NTRK2: variants seen among roughly 807,000 people sequenced by gnomAD.
NTRK2 encodes the protein BDNF/NT-3 growth factors receptor.
In NTRK2, 13 loss-of-function variants were observed where a neutral mutation model predicts 94.5. The observed-to-expected ratio is 0.14, with a 90% confidence interval of 0.09 to 0.22. NTRK2 has a LOEUF of 0.22. NTRK2 is among the 10% of genes least tolerant of loss of function. The pLI is 1.00. For synonymous variants in NTRK2, 372 were observed against 407.4 expected (o/e 0.91, Z 1.05); for missense variants, 639 against 1,071.2 (o/e 0.60, Z 5.63).
intron 9 of NTRK2, among the ~76,000 whole-genome samples, chr9:84,738,826 G>A (rs1475946469): frequency 6.6e-6 from 1 of 152,108 alleles, no homozygotes; most frequent in Non-Finnish European, 1.5e-5. Context: ...GTCTTTCTGC[G>A]AGTTTCATAA....
At chr9:84,714,280 C>G (rs1452063347) in intron 6 of NTRK2, among the ~76,000 whole-genome samples, 1 of 152,166 alleles carries the variant, frequency 6.6e-6, no homozygotes, top group Non-Finnish European at 1.5e-5. Flanking sequence ...GCAGGGAGTC[C>G]TGCAATCCTG....
rs182960908 is a variant in NTRK2 at position 85,022,263 on chromosome 9, A to G, written c.*826A>G. 3.0e-5 allele frequency: 7 copies of G among 233,100 alleles called. No individual in the cohort carries two copies. Among genetic ancestry groups the G allele is most frequent in the African/African-American group, 4.4e-5 (2 of 45,354 alleles). 14.4% of individuals were successfully genotyped at this position (233,100 alleles called of 1,614,324 possible). ...TAAAAAGACTACTGGCCTCTGTGCC[A>G]TGGATGATTCTTTTCCCATCACCAG... On this transcript the variant is annotated 3_prime_UTR_variant, in exon 19 of 19. Coordinates refer to ENST00000277120, the MANE Select transcript of NTRK2 (RefSeq NM_006180.6).
At chr9:84,845,578 C>T (rs980081570) in intron 12 of NTRK2, among the ~76,000 whole-genome samples, 2 of 152,088 alleles carry the variant, frequency 1.3e-5, no homozygotes, top group Non-Finnish European at 2.9e-5. Context: ...CCATGGAATA[C>T]TACTCAGCCA....
At chr9:84,833,594 A>C (rs2131699485) in intron 12 of NTRK2, among the ~76,000 whole-genome samples, 1 of 147,714 alleles carries the variant, frequency 6.8e-6, no homozygotes, top group Non-Finnish European at 1.5e-5. Context: ...GGAAAGAAAG[A>C]GAAAAAGAAA....
At chr9:84,873,446 C>A in intron 14 of NTRK2, 1 of 1,059,556 alleles carries the variant, frequency 9.4e-7, no homozygotes, top group African/African-American at 1.6e-5. Flanking sequence ...GCCTTCATGG[C>A]ACATTGCTGC....
chr9:84,759,002 C>T (rs2065312366), intron 12 of NTRK2, among the ~76,000 whole-genome samples: 1 of 152,202 alleles, frequency 6.6e-6, no homozygotes, highest in African/African-American at 2.4e-5. Context: ...AAACTACTCT[C>T]CTCCCAGCTT....
intron 14 of NTRK2, among the ~76,000 whole-genome samples, chr9:84,882,211 C>A (rs573224280): frequency 6.6e-6 from 1 of 152,164 alleles, no homozygotes; most frequent in Non-Finnish European, 1.5e-5. Flanking sequence ...CACACACACA[C>A]ACTGACCCAC....
intron 2 of NTRK2, among the ~76,000 whole-genome samples, chr9:84,687,078 G>A (rs893144207): frequency 6.6e-6 from 1 of 152,030 alleles, no homozygotes; most frequent in Non-Finnish European, 1.5e-5. Flanking sequence ...TATTTGACGG[G>A]TTTTTTTCCT....
chr9:84,790,336 T>G (rs2068602273), intron 12 of NTRK2, among the ~76,000 whole-genome samples: 1 of 152,176 alleles, frequency 6.6e-6, no homozygotes, highest in South Asian at 2.1e-4. Flanking sequence ...GTGGATGAAT[T>G]TTTGTCTGGC....
intron 2 of NTRK2, among the ~76,000 whole-genome samples, chr9:84,696,541 A>G (rs1194101036): frequency 6.6e-6 from 1 of 152,206 alleles, no homozygotes; most frequent in Non-Finnish European, 1.5e-5. Flanking sequence ...GTGAGCAGAC[A>G]TTCCTTGAGC....
intron 6 of NTRK2, among the ~76,000 whole-genome samples, chr9:84,722,530 T>C (rs1478194874): frequency 1.3e-5 from 2 of 152,176 alleles, no homozygotes; most frequent in East Asian, 3.9e-4. Flanking sequence ...TCTGAGTTAA[T>C]GATGTATCAT....
chr9:84,985,415 C>T (rs1828172797), intron 17 of NTRK2, among the ~76,000 whole-genome samples: 1 of 152,190 alleles, frequency 6.6e-6, no homozygotes, highest in South Asian at 2.1e-4. Context: ...AGGAAAAAAG[C>T]TCTGTTTATA....
chr9:84,906,292 T>C lies in NTRK2; in HGVS notation c.1634-27870T>C, dbSNP rs17330807. ...AAAGGGGAAGAAATGAGAGAACTAG[T>C]GTCACTGAAGTGGAAGGACAAGAGC... On this transcript the variant is annotated intron_variant, in intron 14 of 18. Coordinates refer to ENST00000277120, the MANE Select transcript of NTRK2 (RefSeq NM_006180.6). 9.5e-3 allele frequency among the ~76,000 whole-genome samples: 1,443 copies of C among 151,676 alleles called. 9 individuals carry two copies. The highest frequency in any genetic ancestry group is 0.031 in the Middle Eastern group (9 of 294).
At chr9:84,973,110 AG>A (rs1320865157) in intron 17 of NTRK2, among the ~76,000 whole-genome samples, 6 of 152,260 alleles carry the variant, frequency 3.9e-5, no homozygotes, top group African/African-American at 1.4e-4. Context: ...GTATTTAAAT[AG>A]CTTAAGGACC....
At chr9:85,016,771 G>A (rs1344557105) in intron 17 of NTRK2, among the ~76,000 whole-genome samples, 1 of 152,094 alleles carries the variant, frequency 6.6e-6, no homozygotes, top group Non-Finnish European at 1.5e-5. Context: ...TGTGAACCCT[G>A]TCTGAACTTT....
chr9:84,909,849 C>T (rs1013774226), intron 14 of NTRK2, among the ~76,000 whole-genome samples: 44 of 152,000 alleles, frequency 2.9e-4, no homozygotes, highest in Non-Finnish European at 5.9e-4. Flanking sequence ...ATTTATAGGA[C>T]TTGGAAATAT....
intron 2 of NTRK2, among the ~76,000 whole-genome samples, chr9:84,684,436 T>C (rs2059588022): frequency 6.6e-6 from 1 of 152,224 alleles, no homozygotes. Context: ...CCCAGTACCA[T>C]TTATTAAACA....
intron 14 of NTRK2, chr9:84,877,239 T>G (rs964212213): frequency 9.4e-7 from 1 of 1,065,604 alleles, no homozygotes; most frequent in Non-Finnish European, 1.1e-6. Flanking sequence ...CGTTAACATC[T>G]CAGTGTCCTC....
intron 12 of NTRK2, among the ~76,000 whole-genome samples, chr9:84,850,384 A>T (rs2074702941): frequency 6.6e-6 from 1 of 152,218 alleles, no homozygotes; most frequent in Non-Finnish European, 1.5e-5. Context: ...ATGAATTAAT[A>T]GGAAAATTTG....
Sources: allele counts gnomAD v4.1 joint callset (sites outside exome capture counted in the v4.1 genomes callset), GRCh38; gene constraint gnomAD v4.1.1; transcripts MANE v1.5; gene names NCBI Gene and HGNC (gene_info 2026-07-23, HGNC 2026-07-21).